SULT1C3: variants seen among roughly 807,000 people sequenced by gnomAD.
The protein encoded by SULT1C3 is sulfotransferase family 1C member 3, also known as sulfotransferase 1C3.
A neutral mutation model predicts 28.4 loss-of-function variants in SULT1C3; 31 were observed. The observed-to-expected ratio is 1.09, with a 90% CI of 0.82 to 1.47. The LOEUF is 1.47. Ranked by LOEUF, SULT1C3 falls within the 40% of genes most tolerant of loss-of-function variation. SULT1C3 has a pLI of 0.00. For synonymous variants in SULT1C3, 106 were observed against 92.2 expected (o/e 1.15, Z -0.86); for missense variants, 307 against 272.5 (o/e 1.13, Z -0.89).
intron 1 of SULT1C3, among the ~76,000 whole-genome samples, chr2:108,244,983 G>C (rs1054553492): frequency 4.6e-5 from 7 of 152,018 alleles, no homozygotes; most frequent in African/African-American, 1.4e-4. Context: ...TACACTCCAG[G>C]GGAGTGCATG....
intron 1 of SULT1C3, among the ~76,000 whole-genome samples, chr2:108,243,281 G>A (rs1675505184): frequency 6.6e-6 from 1 of 152,166 alleles, no homozygotes; most frequent in African/African-American, 2.4e-5. Flanking sequence ...AACTTTGGGA[G>A]GAACCTGGTT....
chr2:108,258,216 C>T (rs1675926912), intron 5 of SULT1C3, among the ~76,000 whole-genome samples: 1 of 152,054 alleles, frequency 6.6e-6, no homozygotes, highest in South Asian at 2.1e-4. Context: ...CTGGCTAACT[C>T]AGGTGTCCAC....
rs148772231 is a variant in SULT1C3 at position 108,257,557 on chromosome 2, C to T, written c.527-1177C>T. Among the ~76,000 whole-genome samples, 1,196 of 152,004 alleles carry T rather than the reference C, an allele frequency of 7.9e-3. 13 individuals are homozygous for T. Among genetic ancestry groups the T allele is most frequent in the African/African-American group, 0.027 (1,112 of 41,478 alleles). ...CAGTTTTAGTCACCCACAATCAACCCCAATCCAAAAATATTACAGTATTTC... is the reference window on the plus strand; with the variant it reads ...CAGTTTTAGTCACCCACAATCAACCTCAATCCAAAAATATTACAGTATTTC... On this transcript the variant is annotated intron_variant, in intron 5 of 7. Coordinates refer to ENST00000681802, the MANE Select transcript of SULT1C3 (RefSeq NM_001320878.2).
At chr2:108,253,020 TA>T (rs1157235620) in intron 3 of SULT1C3, among the ~76,000 whole-genome samples, 1 of 151,714 alleles carries the variant, frequency 6.6e-6, no homozygotes, top group African/African-American at 2.4e-5. Context: ...AAAATGGATG[TA>T]ATTTCTGACA....
downstream of SULT1C3, chr2:108,265,217 T>C (rs759342695): frequency 1.9e-6 from 3 of 1,603,480 alleles, no homozygotes; most frequent in Non-Finnish European, 2.6e-6. Flanking sequence ...GCAGCAATCA[T>C]TAAGATTTTG....
intron 3 of SULT1C3, 140 bp downstream of exon 3, chr2:108,252,633 C>G: frequency 9.9e-7 from 1 of 1,011,990 alleles, no homozygotes; most frequent in Non-Finnish European, 1.4e-6. Context: ...GGCCAACAAT[C>G]AAACTCTAGA....
Position 108,260,798 on chromosome 2 carries a change from T to C in SULT1C3, c.*118T>C. On this transcript the variant is annotated 3_prime_UTR_variant, in exon 8 of 8. Coordinates refer to ENST00000681802, the MANE Select transcript of SULT1C3 (RefSeq NM_001320878.2). The stretch of plus-strand genomic sequence containing the variant: ...ATGAGCTTCAGTCCATCTCCTATAG[T>C]GTGGCTAGTTTGCTATAATATTAAA... 1.5e-5 allele frequency: 5 copies of C among 329,046 alleles called. 1 individual carries two copies. The highest frequency in any genetic ancestry group is 1.3e-4 in the South Asian group (5 of 38,226). 20.4% of individuals were successfully genotyped at this position (329,046 alleles called of 1,614,324 possible). A position where few individuals can be genotyped will look rare whatever the true frequency, so the allele number is the denominator to read the frequency against.
chr2:108,254,977 C>T (rs181689241), intron 4 of SULT1C3, among the ~76,000 whole-genome samples: 41 of 151,934 alleles, frequency 2.7e-4, no homozygotes, highest in African/African-American at 9.6e-4. Flanking sequence ...ATGACCCACT[C>T]GTGTACTAAG....
In SULT1C3 at chr2:108,252,355, A is replaced by G. The variant is rs761500648; in HGVS notation, c.173-10A>G. The G allele has an allele frequency of 2.1e-5, 33 of 1,593,070 alleles. No individual in the cohort carries two copies. The highest frequency in any genetic ancestry group is 2.8e-5 in the Non-Finnish European group (33 of 1,172,274). On this transcript the variant is annotated splice_polypyrimidine_tract_variant and intron_variant, in intron 2 of 7. Transcript: ENST00000681802. Reference sequence around the variant, plus strand: ...GACTAAAATTAAAGAACTATTTCAAATATTTTCAGGTACAACATGGATGCA... The same window carrying G: ...GACTAAAATTAAAGAACTATTTCAAGTATTTTCAGGTACAACATGGATGCA...
At chr2:108,242,076 G>T (rs1675474569) in intron 1 of SULT1C3, among the ~76,000 whole-genome samples, 1 of 152,062 alleles carries the variant, frequency 6.6e-6, no homozygotes, top group Non-Finnish European at 1.5e-5. Flanking sequence ...TTACTTATCT[G>T]TAAAGCAGGC....
intron 2 of SULT1C3, among the ~76,000 whole-genome samples, chr2:108,249,835 C>T (rs905028248): frequency 2.6e-5 from 4 of 152,024 alleles, no homozygotes. Context: ...TTTAACTCAG[C>T]TTCAACATTC....
intron 4 of SULT1C3, 65 bp downstream of exon 4, chr2:108,253,507 T>A: frequency 1.2e-6 from 1 of 822,734 alleles, no homozygotes; most frequent in Non-Finnish European, 1.8e-6. Context: ...ACTGAAGATA[T>A]CTTTCAAAAT....
intron 1 of SULT1C3, among the ~76,000 whole-genome samples, chr2:108,241,558 T>C (rs1403349695): frequency 6.6e-6 from 1 of 152,240 alleles, no homozygotes; most frequent in African/African-American, 2.4e-5. Flanking sequence ...AACTCTTGTC[T>C]TGCTTGATAT....
chr2:108,255,912 A>G (rs1675856826), intron 5 of SULT1C3, among the ~76,000 whole-genome samples: 1 of 152,088 alleles, frequency 6.6e-6, no homozygotes, highest in African/African-American at 2.4e-5. Context: ...GTTTTGAGAC[A>G]AAGGTAAAAA....
intron 1 of SULT1C3, among the ~76,000 whole-genome samples, chr2:108,246,537 A>G (rs997302050): frequency 5.3e-5 from 8 of 152,158 alleles, no homozygotes; most frequent in African/African-American, 1.9e-4. Context: ...ACCCCAACTA[A>G]ATTCCAAGTT....
At chr2:108,264,574 A>T (rs1294520324), downstream of SULT1C3, among the ~76,000 whole-genome samples, 2 of 151,934 alleles carry the variant, frequency 1.3e-5, no homozygotes, top group African/African-American at 4.8e-5. Context: ...CAGCCTTGTG[A>T]TTGTTTGTGT....
At chr2:108,265,100 A>C, downstream of SULT1C3, 1 of 1,479,188 alleles carries the variant, frequency 6.8e-7, no homozygotes, top group Non-Finnish European at 9.1e-7. Flanking sequence ...TCCATTATTT[A>C]TTCTTTCCAG....
chr2:108,249,370 G>T (rs1004604558), intron 2 of SULT1C3, among the ~76,000 whole-genome samples: 1 of 151,790 alleles, frequency 6.6e-6, no homozygotes, highest in African/African-American at 2.4e-5. Context: ...TGTGTTGCCC[G>T]CACAGCTGCA....
chr2:108,251,435 G>A (rs1331172222), intron 2 of SULT1C3, among the ~76,000 whole-genome samples: 2 of 152,008 alleles, frequency 1.3e-5, no homozygotes, highest in Non-Finnish European at 2.9e-5. Flanking sequence ...TGAGCGACCT[G>A]GTGGTCACCT....
Sources: allele counts gnomAD v4.1 joint callset (sites outside exome capture counted in the v4.1 genomes callset), GRCh38; gene constraint gnomAD v4.1.1; transcripts MANE v1.5; gene names NCBI Gene and HGNC (gene_info 2026-07-23, HGNC 2026-07-21).